Variants in DLGAP1 observed in about 807,000 individuals in gnomAD.
DLGAP1 encodes the protein disks large-associated protein 1.
Under a neutral mutation model 90.8 loss-of-function variants are expected in DLGAP1, and 11 were observed. The observed-to-expected ratio is 0.12, with a 90% CI of 0.08 to 0.20. DLGAP1 has a LOEUF of 0.20. Among genes scored for constraint, DLGAP1 ranks in the 10% least tolerant of loss-of-function variants. DLGAP1 has a pLI of 1.00. For synonymous variants in DLGAP1, 558 were observed against 540.7 expected (o/e 1.03, Z -0.44); for missense variants, 1,050 against 1,333.8 (o/e 0.79, Z 3.31).
At chr18:3,627,178 G>C (rs899786412) in intron 7 of DLGAP1, among the ~76,000 whole-genome samples, 24 of 151,938 alleles carry the variant, frequency 1.6e-4, no homozygotes. Flanking sequence ...GAGCTTAAGT[G>C]ATCTTCCCGC....
At chr18:4,311,347 A>T (rs999072121) in intron 1 of DLGAP1, among the ~76,000 whole-genome samples, 6 of 152,204 alleles carry the variant, frequency 3.9e-5, no homozygotes, top group Admixed American at 1.3e-4. Context: ...GCCCACTGGG[A>T]TAATTACAGT....
At chr18:4,021,991 T>C (rs1368283454) in intron 2 of DLGAP1, among the ~76,000 whole-genome samples, 1 of 152,050 alleles carries the variant, frequency 6.6e-6, no homozygotes, top group Non-Finnish European at 1.5e-5. Context: ...TGTAAGGAGG[T>C]ATTATCACAT....
chr18:4,273,748 T>C (rs1220506749), intron 1 of DLGAP1, among the ~76,000 whole-genome samples: 1 of 152,234 alleles, frequency 6.6e-6, no homozygotes, highest in African/African-American at 2.4e-5. Flanking sequence ...AGTTAATTTT[T>C]ACATATGGTG....
At chr18:4,210,632 G>T (rs1276709541) in intron 1 of DLGAP1, among the ~76,000 whole-genome samples, 1 of 152,138 alleles carries the variant, frequency 6.6e-6, no homozygotes, top group African/African-American at 2.4e-5. Flanking sequence ...GATGAAAGAG[G>T]ACGATGGCCT....
At chr18:3,548,520 T>G (rs748900712) in intron 9 of DLGAP1, among the ~76,000 whole-genome samples, 1 of 151,186 alleles carries the variant, frequency 6.6e-6, no homozygotes, top group African/African-American at 2.4e-5. Context: ...ATCCAGCACT[T>G]TGGGAGACTG....
intron 1 of DLGAP1, among the ~76,000 whole-genome samples, chr18:4,443,389 C>G (rs542079825): frequency 6.6e-6 from 1 of 152,322 alleles, no homozygotes; most frequent in South Asian, 2.1e-4. Context: ...CATCTAGCAC[C>G]AACCATTGGC....
rs56046166 is a variant in DLGAP1, at chr18:4,108,663, T to C, written c.-159+42517A>G. 8.6e-3 allele frequency among the ~76,000 whole-genome samples: 1,307 copies of C among 152,314 alleles called. 22 individuals carry two copies. The highest frequency in any genetic ancestry group is 0.03 in the African/African-American group (1,257 of 41,558). On this transcript the variant is annotated intron_variant, in intron 2 of 12. Coordinates refer to ENST00000315677, the MANE Select transcript of DLGAP1 (RefSeq NM_004746.4). ...GAAATGACTTCCTGTTATATGAAAA[T>C]GATTTCATCATGTGATATAACAGCT...
chr18:4,078,566 T>G (rs553756323), intron 2 of DLGAP1, among the ~76,000 whole-genome samples: 1 of 152,242 alleles, frequency 6.6e-6, no homozygotes, highest in South Asian at 2.1e-4. Context: ...CAGACAAAAT[T>G]AAATCCTCAA....
intron 7 of DLGAP1, among the ~76,000 whole-genome samples, chr18:3,697,931 T>A (rs1332584921): frequency 6.6e-6 from 1 of 152,232 alleles, no homozygotes; most frequent in Non-Finnish European, 1.5e-5. Context: ...TCCTTAACCA[T>A]TATGTAATGC....
At chr18:3,984,754 A>G (rs2073807595) in intron 3 of DLGAP1, among the ~76,000 whole-genome samples, 1 of 150,232 alleles carries the variant, frequency 6.7e-6, no homozygotes, top group Non-Finnish European at 1.5e-5. Context: ...CCCTAGTCCT[A>G]CCTTGTTGCA....
In DLGAP1 at chr18:4,171,488, T is replaced by C. The variant is rs1055894326; in HGVS notation, c.-266-20201A>G. Among the ~76,000 whole-genome samples the C allele has an allele frequency of 4.2e-4, 62 of 149,210 alleles. 2 individuals are homozygous for C. The highest frequency in any genetic ancestry group is 3.5e-3 in the Middle Eastern group (1 of 286). On this transcript the variant is annotated intron_variant, in intron 1 of 12. Coordinates refer to ENST00000315677, the MANE Select transcript of DLGAP1 (RefSeq NM_004746.4). ...GCTGAGGCAGGAGAATGGCGTGAAC[T>C]CGGAAGGCGAAGCTTGCAGTGAGCC...
intron 1 of DLGAP1, among the ~76,000 whole-genome samples, chr18:4,365,828 A>C (rs763088348): frequency 1.3e-5 from 2 of 152,164 alleles, no homozygotes; most frequent in Non-Finnish European, 2.9e-5. Flanking sequence ...ACAACTTTTG[A>C]AATTAAAAGT....
At chr18:3,600,380 C>T (rs537958580) in intron 7 of DLGAP1, among the ~76,000 whole-genome samples, 4 of 151,968 alleles carry the variant, frequency 2.6e-5, no homozygotes, top group African/African-American at 2.4e-5. Context: ...CTCAGCCTCC[C>T]GAGTAGTGCC....
chr18:3,529,136 T>C (rs2051828586), intron 10 of DLGAP1, among the ~76,000 whole-genome samples: 1 of 152,204 alleles, frequency 6.6e-6, no homozygotes, highest in South Asian at 2.1e-4. Flanking sequence ...AACTCATATG[T>C]TGAAACCTAA....
At chr18:3,553,085 T>TC (rs1265619513) in intron 9 of DLGAP1, among the ~76,000 whole-genome samples, 5 of 152,220 alleles carry the variant, frequency 3.3e-5, no homozygotes, top group Admixed American at 2.0e-4. Flanking sequence ...TCCTTTTTTT[T>TC]CACCATCTTT....
chr18:3,645,741 G>A (rs1441507541), intron 7 of DLGAP1, among the ~76,000 whole-genome samples: 3 of 152,142 alleles, frequency 2.0e-5, no homozygotes, highest in Non-Finnish European at 2.9e-5. Context: ...CTGTTCACAC[G>A]TATGCTGCCT....
At chr18:4,436,343 C>T (rs1479864847) in intron 1 of DLGAP1, among the ~76,000 whole-genome samples, 1 of 152,078 alleles carries the variant, frequency 6.6e-6, no homozygotes, top group Non-Finnish European at 1.5e-5. Flanking sequence ...TAGTGCACAT[C>T]TTAATCACCT....
chr18:4,006,282 A>G (rs1276460075), intron 2 of DLGAP1, among the ~76,000 whole-genome samples: 1 of 152,210 alleles, frequency 6.6e-6, no homozygotes, highest in Non-Finnish European at 1.5e-5. Flanking sequence ...GCAGGGCTAA[A>G]CTGTGTTTGA....
chr18:3,719,353 T>A (rs2061885250), intron 7 of DLGAP1, among the ~76,000 whole-genome samples: 1 of 151,210 alleles, frequency 6.6e-6, no homozygotes, highest in African/African-American at 2.4e-5. Context: ...GATCACGAGG[T>A]CAGGAGATCA....
Sources: allele counts gnomAD v4.1 joint callset (sites outside exome capture counted in the v4.1 genomes callset), GRCh38; gene constraint gnomAD v4.1.1; transcripts MANE v1.5; gene names NCBI Gene and HGNC (gene_info 2026-07-23, HGNC 2026-07-21).